Variants in DNAJC10 observed in about 807,000 individuals in gnomAD.
The protein encoded by DNAJC10 is DnaJ heat shock protein family (Hsp40) member C10, also known as endoplasmic reticulum disulfide reductase DNAJC10.
In DNAJC10, 101 loss-of-function variants were observed where a neutral mutation model predicts 115.0. The ratio of observed to expected loss-of-function variants is 0.88; its 90% CI spans 0.75 to 1.04. The LOEUF is 1.04. Among genes scored for constraint, DNAJC10 ranks in the 50% least tolerant of loss-of-function variants. DNAJC10 has a pLI of 0.00. For synonymous variants in DNAJC10, 307 were observed against 301.5 expected, an observed-to-expected ratio of 1.02 and a Z score of -0.19; for missense variants, 981 against 928.8, an observed-to-expected ratio of 1.06 and a Z score of -0.73.
At chr2:182,736,058 A>G (rs893179527) in intron 10 of DNAJC10, among the ~76,000 whole-genome samples, 191 bp from the exon 11 acceptor site, 8 of 139,194 alleles carry the variant, frequency 5.7e-5, no homozygotes, top group African/African-American at 2.2e-4. Flanking sequence ...AATTTTTTGC[A>G]CTTAATATTT....
chr2:182,738,041 A>G (rs1227017885), intron 11 of DNAJC10, among the ~76,000 whole-genome samples: 2 of 152,224 alleles, frequency 1.3e-5, no homozygotes, highest in Admixed American at 6.5e-5. Context: ...TGTACATTTT[A>G]TATGCATACT....
chr2:182,719,057 A>T (rs554565262), intron 3 of DNAJC10, among the ~76,000 whole-genome samples: 1 of 152,024 alleles, frequency 6.6e-6, no homozygotes, highest in Admixed American at 6.5e-5. Flanking sequence ...TAAGATCCAC[A>T]TTCTATTTAA....
intron 5 of DNAJC10, among the ~76,000 whole-genome samples, chr2:182,726,596 T>G (rs1381013062): frequency 6.6e-6 from 1 of 152,150 alleles, no homozygotes; most frequent in Non-Finnish European, 1.5e-5. Flanking sequence ...GTGGCAAACT[T>G]CATTGTCATC....
intron 22 of DNAJC10, among the ~76,000 whole-genome samples, chr2:182,766,673 A>C (rs1333425676): frequency 5.9e-5 from 9 of 152,118 alleles, no homozygotes; most frequent in Non-Finnish European, 4.4e-5. Flanking sequence ...GGAAATAGGA[A>C]ATGAGAACTT....
intron 16 of DNAJC10, chr2:182,752,670 C>T (rs1235565644): frequency 7.1e-6 from 4 of 561,170 alleles, no homozygotes; most frequent in Non-Finnish European, 6.7e-6. Context: ...AATTATATAC[C>T]GTAGAATGAA....
chr2:182,728,530 C>A (rs545296821), intron 5 of DNAJC10, 46 bp from the exon 6 acceptor site: 15 of 1,411,722 alleles, frequency 1.1e-5, no homozygotes, highest in African/African-American at 5.7e-5. Context: ...TATGCATGAA[C>A]CTTTAATAAA....
At chr2:182,740,564 C>T (rs1236800395) in intron 12 of DNAJC10, among the ~76,000 whole-genome samples, 176 bp downstream of exon 12, 1 of 152,080 alleles carries the variant, frequency 6.6e-6, no homozygotes, top group African/African-American at 2.4e-5. Flanking sequence ...TCTGGTGTTG[C>T]TAATTCAGGA....
intron 22 of DNAJC10, among the ~76,000 whole-genome samples, chr2:182,767,791 A>G (rs1694452818): frequency 6.6e-6 from 1 of 152,144 alleles, no homozygotes; most frequent in Non-Finnish European, 1.5e-5. Flanking sequence ...AGGTCTGGTC[A>G]TGAGACACCT....
In DNAJC10 at chr2:182,750,934, G is replaced by C. The variant is rs10165736; in HGVS notation, c.1307-724G>C. Among the ~76,000 whole-genome samples, 613 of 152,172 alleles carry C rather than the reference G, an allele frequency of 4.0e-3. 6 individuals are homozygous for C. The highest frequency in any genetic ancestry group is 0.014 in the African/African-American group (578 of 41,528). On this transcript the variant is annotated intron_variant, in intron 14 of 23. Coordinates refer to ENST00000264065, the MANE Select transcript of DNAJC10 (RefSeq NM_018981.4). ...TGTATTGTGTTTGACGTGTTTACGT[G>C]ATATCCAAGTACAGTTTTTCACTGG...
Position 182,786,404 on chromosome 2 carries a change from G to A in DNAJC10, c.*9272G>A, listed in dbSNP as rs1694947768. On this transcript the variant is annotated 3_prime_UTR_variant, in exon 24 of 24. Coordinates refer to ENST00000264065, the MANE Select transcript of DNAJC10 (RefSeq NM_018981.4). ...CAAGCTCTCAATATACTGGAAAATT[G>A]TAATCCTGTTCCCTTCACTGAGGTC... is the stretch of plus-strand genomic sequence containing the variant. 1 of 152,138 alleles carries A rather than the reference G, an allele frequency of 6.6e-6. No individual in the cohort carries two copies. The highest frequency in any genetic ancestry group is 2.1e-4 in the South Asian group (1 of 4,820). The allele number at this position is 152,138 out of a possible 1,614,324, so 9.4% of individuals were successfully genotyped here.
intron 7 of DNAJC10, 137 bp downstream of exon 7, chr2:182,729,131 AATAATAAACATTTTGG>A: frequency 1.2e-6 from 1 of 861,910 alleles, no homozygotes; most frequent in Non-Finnish European, 1.7e-6. Flanking sequence ...AGTCTTCTGT[AATAATAAACATTTTGG>A]ATTATGAATT....
At chr2:182,759,447 CTG>C (rs1694238387) in intron 21 of DNAJC10, 140 bp downstream of exon 21, 1 of 779,482 alleles carries the variant, frequency 1.3e-6, no homozygotes, top group South Asian at 1.9e-5. Flanking sequence ...ATTTCTATGA[CTG>C]TAATGGTTGT....
chr2:182,750,384 G>A (rs1693984673), intron 14 of DNAJC10, among the ~76,000 whole-genome samples: 1 of 152,134 alleles, frequency 6.6e-6, no homozygotes, highest in Non-Finnish European at 1.5e-5. Flanking sequence ...TTATGATACA[G>A]GGCAGAGAAA....
At position 182,777,543 on chromosome 2, in the gene DNAJC10, A is replaced by C. The variant is rs1160383457; in HGVS notation, c.*411A>C. The C allele has an allele frequency of 6.5e-6, 1 of 153,744 alleles. No individual in the cohort carries two copies. The highest frequency in any genetic ancestry group is 2.4e-5 in the African/African-American group (1 of 41,538). 9.5% of individuals were successfully genotyped at this position (153,744 alleles called of 1,614,324 possible). A position where few individuals can be genotyped will look rare whatever the true frequency, so the allele number is the denominator to read the frequency against. ...ATAATGTTTCAGGTGGCTGGCTTGA[A>C]CATGAGTCTGCTGTGCTATCTACAT... On this transcript the variant is annotated 3_prime_UTR_variant, in exon 24 of 24. Coordinates refer to ENST00000264065, the MANE Select transcript of DNAJC10 (RefSeq NM_018981.4).
At chr2:182,743,742 ACTTAG>A in intron 14 of DNAJC10, 30 bp downstream of exon 14, 1 of 1,448,712 alleles carries the variant, frequency 6.9e-7, no homozygotes, top group Non-Finnish European at 9.5e-7. Flanking sequence ...ATAAAAAAAA[ACTTAG>A]CTTCATTTTC....
At chr2:182,768,911 G>T (rs1694485414) in intron 22 of DNAJC10, among the ~76,000 whole-genome samples, 1 of 152,020 alleles carries the variant, frequency 6.6e-6, no homozygotes, top group African/African-American at 2.4e-5. Context: ...GTGTCGTGTT[G>T]GTTTGCTGCA....
chr2:182,770,797 A>G (rs1022422835), intron 22 of DNAJC10, among the ~76,000 whole-genome samples: 1 of 152,058 alleles, frequency 6.6e-6, no homozygotes, highest in African/African-American at 2.4e-5. Context: ...AATACCCTTT[A>G]TTTCTTTTTC....
intron 10 of DNAJC10, among the ~76,000 whole-genome samples, chr2:182,735,180 T>C (rs748977441): frequency 7.2e-5 from 11 of 151,814 alleles, no homozygotes; most frequent in Non-Finnish European, 1.2e-4. Context: ...AGCTCTTTGG[T>C]TACCTGTCCT....
At chr2:182,758,955 T>A (rs1694224868) in intron 20 of DNAJC10, 65 bp downstream of exon 20, 3 of 1,278,130 alleles carry the variant, frequency 2.3e-6, no homozygotes, top group Non-Finnish European at 3.4e-6. Flanking sequence ...CCCTTTTATA[T>A]CAATAGTTAA....
Sources: gnomAD v4.1 joint callset for allele counts (sites outside exome capture counted in the v4.1 genomes callset) on GRCh38, gnomAD v4.1.1 for gene constraint, MANE v1.5 for transcripts, NCBI Gene and HGNC (gene_info 2026-07-23, HGNC 2026-07-21) for gene names.